The following CPNE4 variants were observed in gnomAD, a reference collection of about 807,000 sequenced individuals.
CPNE4 encodes the protein copine-4.
CPNE4 carries 25 observed loss-of-function variants against 67.9 expected under a neutral mutation model. That is an observed-to-expected ratio of 0.37 (90% CI 0.27 to 0.51). The LOEUF is 0.51. Among genes scored for constraint, CPNE4 ranks in the 20% least tolerant of loss-of-function variants. CPNE4 has a pLI of 0.93. For synonymous variants in CPNE4, 242 were observed against 244.9 expected (o/e 0.99, Z 0.11); for missense variants, 464 against 690.8 (o/e 0.67, Z 3.68).
chr3:131,666,672 G>A (rs2080271760), intron 7 of CPNE4, among the ~76,000 whole-genome samples: 1 of 152,174 alleles, frequency 6.6e-6, no homozygotes, highest in Admixed American at 6.5e-5. Flanking sequence ...AATAATACTG[G>A]GGCATTCTTG....
At chr3:131,692,043 T>C (rs1277750913) in intron 5 of CPNE4, among the ~76,000 whole-genome samples, 2 of 152,176 alleles carry the variant, frequency 1.3e-5, no homozygotes, top group African/African-American at 2.4e-5. Context: ...GTTGCTGTGG[T>C]AAAATTCTTT....
At chr3:131,741,333 G>A (rs949433594) in intron 2 of CPNE4, among the ~76,000 whole-genome samples, 8 of 152,102 alleles carry the variant, frequency 5.3e-5, no homozygotes, top group South Asian at 2.1e-4. Flanking sequence ...GTGAACTGAC[G>A]ACATATCAGG....
At chr3:131,546,583 A>T (rs1935851711) in intron 14 of CPNE4, among the ~76,000 whole-genome samples, 1 of 152,190 alleles carries the variant, frequency 6.6e-6, no homozygotes. Flanking sequence ...GGGGTAATTT[A>T]TATGGAGATG....
At position 132,010,133 on chromosome 3, in the gene CPNE4, T is replaced by C. The variant is rs187177299; in HGVS notation, c.-2+24434A>G. On this transcript the variant is annotated intron_variant, in intron 1 of 15. Coordinates refer to ENST00000429747, the MANE Select transcript of CPNE4 (RefSeq NM_130808.3). ...ATAAGTTCCGAGTTTAAATCTTAGG[T>C]GCAGAACTTTCTAGCTCTATGGCCT... Among the ~76,000 whole-genome samples the C allele has an allele frequency of 3.5e-4, 53 of 152,350 alleles. No homozygotes were observed. The East Asian group carries it at 0.01, about 29-fold the overall frequency.
chr3:131,838,774 A>G (rs1232052288), intron 2 of CPNE4, among the ~76,000 whole-genome samples: 2 of 151,718 alleles, frequency 1.3e-5, no homozygotes, highest in African/African-American at 2.4e-5. Flanking sequence ...AAGTATTTCA[A>G]TACCTTCAGT....
At chr3:131,730,451 C>G (rs1583098133) in intron 2 of CPNE4, among the ~76,000 whole-genome samples, 1 of 152,154 alleles carries the variant, frequency 6.6e-6, no homozygotes, top group Non-Finnish European at 1.5e-5. Flanking sequence ...AATATATGCT[C>G]TTTTTATTAT....
intron 7 of CPNE4, among the ~76,000 whole-genome samples, chr3:131,627,055 C>A (rs1366801288): frequency 4.0e-5 from 6 of 151,520 alleles, no homozygotes; most frequent in Non-Finnish European, 5.9e-5. Flanking sequence ...TAGCCAGGTG[C>A]GGTGGTGGGC....
chr3:131,535,367 G>A (rs373539566), intron 15 of CPNE4, 38 bp from the exon 16 acceptor site: 20 of 1,591,730 alleles, frequency 1.3e-5, no homozygotes, highest in Admixed American at 5.4e-5. Context: ...GTTGGCTTCT[G>A]GTCAAGGAAT....
At chr3:131,978,034 A>G (rs993299673) in intron 1 of CPNE4, among the ~76,000 whole-genome samples, 4 of 121,434 alleles carry the variant, frequency 3.3e-5, no homozygotes, top group African/African-American at 1.3e-4. Flanking sequence ...ATGGCTGCAT[A>G]GTATTCCATC....
intron 2 of CPNE4, among the ~76,000 whole-genome samples, chr3:131,788,958 A>G (rs1438985534): frequency 6.6e-6 from 1 of 151,448 alleles, no homozygotes; most frequent in African/African-American, 2.4e-5. Flanking sequence ...TTATTCTTAA[A>G]ATTTTCACAC....
At chr3:131,901,094 C>T (rs540765329) in intron 2 of CPNE4, among the ~76,000 whole-genome samples, 1 of 152,188 alleles carries the variant, frequency 6.6e-6, no homozygotes, top group South Asian at 2.1e-4. Context: ...CACACACTCA[C>T]GAGCTTGATT....
chr3:131,940,881 CCAGTTTGTCTGAATATTCAAAA>C (rs2107856223), intron 1 of CPNE4, among the ~76,000 whole-genome samples: 1 of 152,076 alleles, frequency 6.6e-6, no homozygotes, highest in Admixed American at 6.6e-5. Context: ...ATCCTGCTTA[CCAGTTTGTCTGAATATTCAAAA>C]CAGTGCATGA....
At position 131,803,573 on chromosome 3, in the gene CPNE4, C is replaced by T. The variant is rs139589773; in HGVS notation, c.181-79948G>A. The stretch of plus-strand genomic sequence containing the variant: ...TAAAGAATTTAAAATATGAGGACAA[C>T]TCTATCTGTTCAAAAGATATTTTAA... On this transcript the variant is annotated intron_variant, in intron 2 of 15. Coordinates refer to ENST00000429747, the MANE Select transcript of CPNE4 (RefSeq NM_130808.3). Among the ~76,000 whole-genome samples the T allele has an allele frequency of 3.8e-4, 58 of 152,278 alleles. No homozygotes were observed. In the East Asian group the frequency reaches 9.5e-3, roughly 25 times the overall value.
At chr3:131,657,650 T>G (rs2080009167) in intron 7 of CPNE4, among the ~76,000 whole-genome samples, 1 of 150,550 alleles carries the variant, frequency 6.6e-6, no homozygotes. Flanking sequence ...TTCTCCTGCC[T>G]CAGCCTCCCG....
intron 2 of CPNE4, among the ~76,000 whole-genome samples, chr3:131,821,417 T>C (rs72987746): frequency 2.0e-5 from 3 of 152,230 alleles, no homozygotes; most frequent in Non-Finnish European, 2.9e-5. Flanking sequence ...ATTGTGAGAA[T>C]TCTGGACAGA....
intron 2 of CPNE4, among the ~76,000 whole-genome samples, chr3:131,844,115 G>A (rs140363787): frequency 9.2e-5 from 14 of 152,084 alleles, no homozygotes; most frequent in East Asian, 1.9e-4. Context: ...CCTCATCCTC[G>A]TCCCCTCTTT....
At chr3:132,009,564 G>A (rs2073697291) in intron 1 of CPNE4, among the ~76,000 whole-genome samples, 1 of 152,188 alleles carries the variant, frequency 6.6e-6, no homozygotes, top group Non-Finnish European at 1.5e-5. Flanking sequence ...AATTTGGGAA[G>A]ATGCCAGCAA....
chr3:131,718,871 G>A (rs1294407945), intron 3 of CPNE4, among the ~76,000 whole-genome samples: 2 of 152,172 alleles, frequency 1.3e-5, no homozygotes, highest in Admixed American at 6.5e-5. Flanking sequence ...GCATGCAATT[G>A]CTATGTCATT....
intron 1 of CPNE4, among the ~76,000 whole-genome samples, chr3:131,942,161 C>CAT (rs1260738393): frequency 5.3e-5 from 8 of 151,952 alleles, no homozygotes; most frequent in Non-Finnish European, 1.0e-4. Flanking sequence ...TAGCAAGGAG[C>CAT]ATAAGTCTGT....
Sources: allele counts gnomAD v4.1 joint callset (sites outside exome capture counted in the v4.1 genomes callset), GRCh38; gene constraint gnomAD v4.1.1; transcripts MANE v1.5; gene names NCBI Gene and HGNC (gene_info 2026-07-23, HGNC 2026-07-21).